The following BRINP1 variants were observed in gnomAD, a reference collection of about 807,000 sequenced individuals.
BRINP1 encodes BMP/retinoic acid-inducible neural-specific protein 1.
In BRINP1, 17 loss-of-function variants were observed where a neutral mutation model predicts 72.9. The observed-to-expected ratio is 0.23, with a 90% CI of 0.16 to 0.35. The LOEUF (loss-of-function observed/expected upper bound fraction) is 0.35. Among genes scored for constraint, BRINP1 ranks in the 10% least tolerant of loss-of-function variants. The probability of loss-of-function intolerance (pLI) is 1.00; values close to 1 mark genes in which losing one functional copy is unlikely to be tolerated. For missense variants in BRINP1, 850 were observed against 1,001.6 expected, an observed-to-expected ratio of 0.85 and a Z score of 2.04; for synonymous variants, 418 against 378.5, an observed-to-expected ratio of 1.10 and a Z score of -1.21.
chr9:119,300,880 T>C (rs1039200312), intron 2 of BRINP1, among the ~76,000 whole-genome samples: 2 of 152,206 alleles, frequency 1.3e-5, no homozygotes, highest in African/African-American at 4.8e-5. Flanking sequence ...AAAAGATTCA[T>C]TTATTTTTGC....
intron 1 of BRINP1, among the ~76,000 whole-genome samples, chr9:119,358,553 G>T (rs1564257205): frequency 6.6e-6 from 1 of 152,168 alleles, no homozygotes; most frequent in Non-Finnish European, 1.5e-5. Context: ...AATTAGCCGG[G>T]CATGGCGGCG....
At chr9:119,253,518 A>G (rs1305298372) in intron 2 of BRINP1, among the ~76,000 whole-genome samples, 2 of 152,198 alleles carry the variant, frequency 1.3e-5, no homozygotes, top group Non-Finnish European at 2.9e-5. Context: ...AAAGACAAAT[A>G]TCACACATCC....
Position 119,167,868 on chromosome 9 carries a change from A to C in BRINP1, c.1502T>G (p.Val501Gly). The part of the protein sequence containing the change: ...LLQKMDSRLY[V>G]HTTFISNEIR... ...CTCGTTGCTGATGAAGGTGGTGTGGACGTAGAGGCGTGAGTCCATCTTCTG... is the reference window on the plus strand; with the variant it reads ...CTCGTTGCTGATGAAGGTGGTGTGGCCGTAGAGGCGTGAGTCCATCTTCTG... The change falls in exon 8 of 8, where the codon GTC becomes GGC. Residue 501 changes from valine (V) to glycine (G), a missense_variant. Physicochemically the swap from Val to Gly is moderately radical, Grantham distance 109. Transcript: ENST00000265922. This position sits in a 1 kb window ranked among gnomAD's most constrained non-coding sequence, Gnocchi z 4.3. 1 of 1,614,096 alleles carries C rather than the reference A, an allele frequency of 6.2e-7. No homozygotes were observed. Among genetic ancestry groups the C allele is most frequent in the South Asian group, 1.1e-5 (1 of 91,086 alleles).
chr9:119,246,736 G>A (rs955908451), intron 3 of BRINP1, among the ~76,000 whole-genome samples: 4 of 152,134 alleles, frequency 2.6e-5, no homozygotes, highest in Non-Finnish European at 2.9e-5. Context: ...TACTGCAGAG[G>A]AGGCTCTTAA....
intron 5 of BRINP1, among the ~76,000 whole-genome samples, chr9:119,214,587 T>TAAA (rs57097317): frequency 0.032 from 4,568 of 144,030 alleles, 146 homozygotes; most frequent in African/African-American, 0.081. Context: ...CCTGTAGAGA[T>TAAA]AAAAAAAAAA....
At chr9:119,341,920 C>A (rs949203325) in intron 1 of BRINP1, among the ~76,000 whole-genome samples, 2 of 152,224 alleles carry the variant, frequency 1.3e-5, no homozygotes, top group African/African-American at 4.8e-5. Context: ...CACGCCACCA[C>A]ACTCAGCTAA....
Position 119,248,988 on chromosome 9 carries a change from G to A in BRINP1, c.381C>T (p.Thr127=). The change falls in exon 3 of 8, where the codon ACC becomes ACT. Residue 127 remains threonine (T), a synonymous_variant. Coordinates refer to ENST00000265922, the MANE Select transcript of BRINP1 (RefSeq NM_014618.3). ...CCAATGTGGCTGAGATGAGCAGGTGGGTGCCGTACTTTTTGATGATGGTAT... is the reference window on the plus strand; with the variant it reads ...CCAATGTGGCTGAGATGAGCAGGTGAGTGCCGTACTTTTTGATGATGGTAT... ...FIDTIIKKYG[T]HLLISATLGG... is the part of the protein sequence containing the mutation. 6.2e-7 allele frequency: 1 copy of A among 1,613,790 alleles called. No homozygotes were observed. The highest frequency in any genetic ancestry group is 1.6e-4 in the Middle Eastern group (1 of 6,062).
At chr9:119,190,624 A>T (rs1275319672) in intron 7 of BRINP1, among the ~76,000 whole-genome samples, 1 of 151,966 alleles carries the variant, frequency 6.6e-6, no homozygotes, top group Non-Finnish European at 1.5e-5. Context: ...ACCTGAACAG[A>T]CCACTAACAA....
chr9:119,299,905 C>T (rs1830923007), intron 2 of BRINP1, among the ~76,000 whole-genome samples: 1 of 152,140 alleles, frequency 6.6e-6, no homozygotes, highest in Admixed American at 6.6e-5. Flanking sequence ...AATTGGTGAT[C>T]ACCAACCTTA....
At chr9:119,179,243 A>T (rs1454404899) in intron 7 of BRINP1, among the ~76,000 whole-genome samples, 14 of 152,212 alleles carry the variant, frequency 9.2e-5, no homozygotes, top group Admixed American at 9.2e-4. Flanking sequence ...GTCCCTAAGG[A>T]TCCAAAGCAT....
intron 1 of BRINP1, among the ~76,000 whole-genome samples, chr9:119,325,299 A>T (rs1378292181): frequency 1.3e-5 from 2 of 151,948 alleles, no homozygotes; most frequent in African/African-American, 4.8e-5. Context: ...ACTCATTATC[A>T]CCCTCTCAAA....
intron 5 of BRINP1, among the ~76,000 whole-genome samples, chr9:119,228,035 G>A (rs924939358): frequency 1.3e-5 from 2 of 151,654 alleles, no homozygotes; most frequent in Admixed American, 6.6e-5. Flanking sequence ...AGTCATCTTC[G>A]CTCCATCTGT....
chr9:119,180,479 ATGTGTGTG>A lies in BRINP1; in HGVS notation c.1146-12263_1146-12256del, dbSNP rs112009324. Among the ~76,000 whole-genome samples, 1,120 of 132,280 alleles carry A rather than the reference ATGTGTGTG, an allele frequency of 8.5e-3. 11 individuals carry two copies. Among genetic ancestry groups the A allele is most frequent in the African/African-American group, 0.028 (914 of 32,758 alleles). The allele number at this position is 132,280 out of a possible 152,430, so 86.8% of individuals were successfully genotyped here. On this transcript the variant is annotated intron_variant, in intron 7 of 7. Coordinates refer to ENST00000265922, the MANE Select transcript of BRINP1 (RefSeq NM_014618.3). ...GTGCTGTGTGTGACTCTCTCTGTGC[ATGTGTGTG>A]TGTGTGTGTGTGTGTGTGTGTGTGT...
chr9:119,286,359 A>C (rs1830760652), intron 2 of BRINP1, among the ~76,000 whole-genome samples: 1 of 151,888 alleles, frequency 6.6e-6, no homozygotes, highest in African/African-American at 2.4e-5. Context: ...CAGCCTCCCA[A>C]GTAGCTGGGA....
intron 1 of BRINP1, among the ~76,000 whole-genome samples, chr9:119,317,112 A>C (rs1382260899): frequency 6.7e-6 from 1 of 149,170 alleles, no homozygotes; most frequent in African/African-American, 2.6e-5. Flanking sequence ...AAAATAAAGA[A>C]AAAAGAAATA....
At chr9:119,172,579 T>C (rs1829428627) in intron 7 of BRINP1, among the ~76,000 whole-genome samples, 1 of 151,536 alleles carries the variant, frequency 6.6e-6, no homozygotes, top group Non-Finnish European at 1.5e-5. Flanking sequence ...CCATTCCTTC[T>C]GAAACTATTC....
chr9:119,324,107 T>C (rs892732886), intron 1 of BRINP1, among the ~76,000 whole-genome samples: 2 of 152,234 alleles, frequency 1.3e-5, no homozygotes, highest in African/African-American at 4.8e-5. Context: ...GAATCCTGTT[T>C]AGCCAAAGGG....
At chr9:119,367,223 T>G (rs1180854622) in intron 1 of BRINP1, among the ~76,000 whole-genome samples, 2 of 130,278 alleles carry the variant, frequency 1.5e-5, no homozygotes, top group Non-Finnish European at 3.1e-5. Flanking sequence ...GTGTGATTGA[T>G]ATATATATAT....
At chr9:119,362,790 A>C (rs1831650075) in intron 1 of BRINP1, among the ~76,000 whole-genome samples, 5 of 152,226 alleles carry the variant, frequency 3.3e-5, no homozygotes, top group Admixed American at 3.3e-4. Context: ...TTAAAATGAG[A>C]AAACTTGTAG....
Sources: allele counts gnomAD v4.1 joint callset (sites outside exome capture counted in the v4.1 genomes callset), GRCh38; gene constraint gnomAD v4.1.1; non-coding constraint Gnocchi (gnomAD v3.1); transcripts MANE v1.5; gene names NCBI Gene and HGNC (gene_info 2026-07-23, HGNC 2026-07-21).